Variants in KLHDC4 observed in about 807,000 individuals in gnomAD.
The protein encoded by KLHDC4 is kelch domain-containing protein 4.
Under a neutral mutation model 62.4 loss-of-function variants are expected in KLHDC4, and 90 were observed. The observed-to-expected ratio is 1.44, with a 90% CI of 1.22 to 1.72. The LOEUF (loss-of-function observed/expected upper bound fraction) is 1.72, where lower values mean the gene tolerates loss of function less well. KLHDC4 is among the 40% of genes most tolerant of loss of function. The probability of loss-of-function intolerance (pLI) is 0.00; values close to 1 mark genes in which losing one functional copy is unlikely to be tolerated. For missense variants in KLHDC4, 1,025 were observed against 699.7 expected, an observed-to-expected ratio of 1.47 and a Z score of -5.25; for synonymous variants, 386 against 284.4, an observed-to-expected ratio of 1.36 and a Z score of -3.59.
At chr16:87,721,514 C>T (rs1229593012) in intron 7 of KLHDC4, among the ~76,000 whole-genome samples, 2 of 152,044 alleles carry the variant, frequency 1.3e-5, no homozygotes, top group African/African-American at 4.8e-5. Context: ...GCGCCCAATT[C>T]CCCAGCACGA....
intron 4 of KLHDC4, among the ~76,000 whole-genome samples, chr16:87,751,291 T>A (rs1381570088): frequency 1.3e-5 from 2 of 152,054 alleles, no homozygotes; most frequent in African/African-American, 4.8e-5. Context: ...CTGACCAACA[T>A]GGTGAAACCC....
chr16:87,716,502 G>A (rs1055491614), intron 7 of KLHDC4, among the ~76,000 whole-genome samples: 1 of 152,088 alleles, frequency 6.6e-6, no homozygotes, highest in Non-Finnish European at 1.5e-5. Flanking sequence ...ATCTTTGTGG[G>A]TTCCTTTGAG....
chr16:87,749,361 C>G (rs527678823), intron 4 of KLHDC4, among the ~76,000 whole-genome samples: 9 of 152,118 alleles, frequency 5.9e-5, no homozygotes, highest in African/African-American at 2.2e-4. Context: ...AGAGACCATC[C>G]TGGCCAACAT....
At chr16:87,720,723 T>A (rs1436198518) in intron 7 of KLHDC4, among the ~76,000 whole-genome samples, 2 of 152,218 alleles carry the variant, frequency 1.3e-5, no homozygotes, top group Non-Finnish European at 2.9e-5. Flanking sequence ...CCCTGTCGGT[T>A]ACGGTTAGCA....
rs1425569395 is a variant in KLHDC4, at chr16:87,762,081, G to A, written c.100-41C>T. 4.4e-6 allele frequency: 7 copies of A among 1,603,590 alleles called. No homozygotes were observed. In the South Asian group the frequency reaches 5.6e-5, roughly 13 times the overall value. On this transcript the variant is annotated intron_variant, in intron 1 of 11. Transcript: ENST00000270583. ...AGGCACACGTGAGACTTATTCCCAG[G>A]ACCCGCCGCGGAGCCACAGCCCGCT...
chr16:87,750,028 C>T (rs1269020742), intron 4 of KLHDC4, among the ~76,000 whole-genome samples: 2 of 152,212 alleles, frequency 1.3e-5, no homozygotes, highest in Non-Finnish European at 2.9e-5. Flanking sequence ...TCAAAAACAA[C>T]GGCATCCCTG....
At chr16:87,741,047 T>C (rs951121567) in intron 5 of KLHDC4, 1 of 152,138 alleles carries the variant, frequency 6.6e-6, no homozygotes, top group East Asian at 1.9e-4. Flanking sequence ...AGCATTGCCA[T>C]TACCCCCCTC....
chr16:87,710,008 C>T (rs969803134), intron 9 of KLHDC4: 3 of 274,910 alleles, frequency 1.1e-5, no homozygotes, highest in Non-Finnish European at 2.1e-5. Flanking sequence ...CGACGCTCAC[C>T]CTGGGAAAAC....
intron 6 of KLHDC4, among the ~76,000 whole-genome samples, chr16:87,729,091 G>C (rs1340306905): frequency 6.6e-6 from 1 of 152,116 alleles, no homozygotes; most frequent in Non-Finnish European, 1.5e-5. Context: ...ATACTTTTTA[G>C]TTTGAATTAC....
intron 8 of KLHDC4, among the ~76,000 whole-genome samples, chr16:87,713,032 A>G (rs2036202789): frequency 6.6e-6 from 1 of 152,116 alleles, no homozygotes; most frequent in Non-Finnish European, 1.5e-5. Context: ...GTCTCCTTCT[A>G]TTTATTTTTT....
chr16:87,727,182 T>TTACCAAGA (rs1555569663), intron 6 of KLHDC4, among the ~76,000 whole-genome samples: 1 of 18,566 alleles, frequency 5.4e-5, no homozygotes, highest in Non-Finnish European at 1.1e-4. Flanking sequence ...GGCAACATTT[T>TTACCAAGA]CACCTGTTTA....
intron 8 of KLHDC4, among the ~76,000 whole-genome samples, 182 bp from the exon 9 acceptor site, chr16:87,711,625 C>T (rs1480436378): frequency 6.6e-6 from 1 of 152,204 alleles, no homozygotes; most frequent in Non-Finnish European, 1.5e-5. Context: ...CCTCGAGTTC[C>T]ACCCTTTTCC....
chr16:87,718,753 C>T (rs1248858385), intron 7 of KLHDC4, among the ~76,000 whole-genome samples: 6 of 151,366 alleles, frequency 4.0e-5, no homozygotes, highest in African/African-American at 1.2e-4. Flanking sequence ...CGCCTCTTCC[C>T]GGCCGCCATC....
At chr16:87,742,894 T>C (rs145503666) in intron 5 of KLHDC4, 2 of 152,268 alleles carry the variant, frequency 1.3e-5, no homozygotes, top group Admixed American at 1.3e-4. Context: ...AGACTCATTC[T>C]GCAAGGCGCC....
intron 2 of KLHDC4, among the ~76,000 whole-genome samples, chr16:87,757,714 A>AC (rs959981010): frequency 6.6e-6 from 1 of 150,396 alleles, no homozygotes; most frequent in Non-Finnish European, 1.5e-5. Context: ...ACACGGTGAA[A>AC]CCCCCCGTCT....
intron 5 of KLHDC4, among the ~76,000 whole-genome samples, chr16:87,742,032 G>A (rs760337503): frequency 6.6e-5 from 10 of 152,036 alleles, no homozygotes; most frequent in Non-Finnish European, 1.0e-4. Flanking sequence ...ATCTTCCCCA[G>A]AAAGGGCAAA....
intron 6 of KLHDC4, chr16:87,729,230 C>G (rs1246741870): frequency 2.0e-5 from 3 of 152,226 alleles, no homozygotes; most frequent in East Asian, 1.9e-4. Context: ...TGGCTTACGC[C>G]TGTAATCCCA....
chr16:87,711,916 T>C (rs941070801), intron 8 of KLHDC4, among the ~76,000 whole-genome samples: 1 of 116,232 alleles, frequency 8.6e-6, no homozygotes, highest in Admixed American at 7.9e-5. Context: ...GCTGAATGCC[T>C]GTGCCAGCCC....
At chr16:87,746,335 A>T (rs910114270) in intron 5 of KLHDC4, among the ~76,000 whole-genome samples, 2 of 152,016 alleles carry the variant, frequency 1.3e-5, no homozygotes, top group African/African-American at 4.8e-5. Context: ...AGAGAGGAGA[A>T]AAAGACAAGA....
Sources: allele counts gnomAD v4.1 joint callset (sites outside exome capture counted in the v4.1 genomes callset), GRCh38; gene constraint gnomAD v4.1.1; transcripts MANE v1.5; gene names NCBI Gene and HGNC (gene_info 2026-07-23, HGNC 2026-07-21).